The following GALNT13 variants were observed in gnomAD, a reference collection of about 807,000 sequenced individuals.
The protein encoded by GALNT13 is polypeptide N-acetylgalactosaminyltransferase 13, also known as UDP-GalNAc:polypeptide N-acetylgalactosaminyltransferase 13.
A neutral mutation model predicts 64.2 loss-of-function variants in GALNT13; 28 were observed. That is an observed-to-expected ratio of 0.44 (90% CI 0.32 to 0.60). The LOEUF (loss-of-function observed/expected upper bound fraction) is 0.60. GALNT13 is among the 20% of genes least tolerant of loss of function. The pLI is 0.05. For synonymous variants in GALNT13, 214 were observed against 224.6 expected, an observed-to-expected ratio of 0.95 and a Z score of 0.42; for missense variants, 577 against 669.8, an observed-to-expected ratio of 0.86 and a Z score of 1.53.
At chr2:153,499,247 A>G in the GALNT13 span, among the ~76,000 whole-genome samples, 4 of 152,206 alleles carry the variant, frequency 2.6e-5, no homozygotes, top group East Asian at 5.8e-4. Context: ...GTGACAGAAC[A>G]GCTCTCAGGA....
At chr2:153,855,489 C>G in the GALNT13 span, among the ~76,000 whole-genome samples, 1 of 152,096 alleles carries the variant, frequency 6.6e-6, no homozygotes, top group African/African-American at 2.4e-5. Flanking sequence ...GAAAAATGCT[C>G]AAATGCTCAA....
At chr2:153,432,622 C>T in the GALNT13 span, among the ~76,000 whole-genome samples, 6,335 of 152,052 alleles carry the variant, frequency 0.042, 185 homozygotes, top group Middle Eastern at 0.061. Context: ...CCATCCCCCA[C>T]CCCCAGTGCT....
intron 8 of GALNT13, among the ~76,000 whole-genome samples, chr2:154,300,076 A>AG (rs1258218207): frequency 7.2e-6 from 1 of 139,644 alleles, no homozygotes; most frequent in Non-Finnish European, 1.6e-5. Flanking sequence ...GTGAAAAGAT[A>AG]GTTTTTTTTT....
At chr2:153,403,028 T>C in the GALNT13 span, among the ~76,000 whole-genome samples, 2 of 151,158 alleles carry the variant, frequency 1.3e-5, no homozygotes, top group Non-Finnish European at 3.0e-5. Flanking sequence ...TTCCAGTTTT[T>C]CTGTTCTGTT....
the GALNT13 span, among the ~76,000 whole-genome samples, chr2:153,118,135 ACACACACACACC>A: frequency 4.5e-4 from 68 of 150,684 alleles, no homozygotes; most frequent in East Asian, 1.8e-3. Flanking sequence ...ACACACACAC[ACACACACACACC>A]CCACATAAAC....
At chr2:153,477,037 C>G in the GALNT13 span, among the ~76,000 whole-genome samples, 1 of 152,116 alleles carries the variant, frequency 6.6e-6, no homozygotes, top group Non-Finnish European at 1.5e-5. Flanking sequence ...GTAATCTTCC[C>G]GCGGGGGCCC....
At chr2:154,099,351 C>T (rs1463484100) in intron 3 of GALNT13, among the ~76,000 whole-genome samples, 1 of 152,084 alleles carries the variant, frequency 6.6e-6, no homozygotes, top group African/African-American at 2.4e-5. Flanking sequence ...CAAATATTTT[C>T]TCCTATTCTG....
the GALNT13 span, among the ~76,000 whole-genome samples, chr2:153,709,061 C>A: frequency 2.0e-5 from 3 of 151,984 alleles, no homozygotes; most frequent in Non-Finnish European, 4.4e-5. Flanking sequence ...AATTACATGA[C>A]ATTGGTCTGC....
At chr2:153,895,567 T>A (rs1687831354) in intron 1 of GALNT13, among the ~76,000 whole-genome samples, 1 of 152,094 alleles carries the variant, frequency 6.6e-6, no homozygotes, top group African/African-American at 2.4e-5. Context: ...CATGACCATA[T>A]GCAGAACTAG....
intron 1 of GALNT13, among the ~76,000 whole-genome samples, chr2:153,899,608 A>G (rs892831978): frequency 1.3e-5 from 2 of 152,108 alleles, no homozygotes; most frequent in African/African-American, 2.4e-5. Flanking sequence ...TGCAATCCCA[A>G]TGTCTTTAAC....
chr2:153,459,399 T>C, the GALNT13 span, among the ~76,000 whole-genome samples: 1 of 152,084 alleles, frequency 6.6e-6, no homozygotes, highest in Admixed American at 6.6e-5. Flanking sequence ...GAGGATCCAC[T>C]GAGCCCAGGA....
chr2:153,100,266 T>A, the GALNT13 span, among the ~76,000 whole-genome samples: 1 of 152,204 alleles, frequency 6.6e-6, no homozygotes, highest in Non-Finnish European at 1.5e-5. Flanking sequence ...GAACTTGGCA[T>A]GTGGATTTCC....
rs75567245 is a variant in GALNT13, at chr2:153,908,788, T to C, written c.-105+7781T>C. 7.6e-3 allele frequency among the ~76,000 whole-genome samples: 1,150 copies of C among 151,464 alleles called. 7 individuals carry two copies. Among genetic ancestry groups the C allele is most frequent in the Middle Eastern group, 0.02 (6 of 294 alleles). The stretch of plus-strand genomic sequence containing the variant: ...GTACCAGTACCATGCCATTTTTTTA[T>C]TGTAGCTCTGTAGTATAGTTTGAAG... On this transcript the variant is annotated intron_variant, in intron 2 of 12. Coordinates refer to ENST00000392825, the MANE Select transcript of GALNT13 (RefSeq NM_052917.4).
At chr2:154,008,582 C>T (rs2194593) in intron 3 of GALNT13, among the ~76,000 whole-genome samples, 87,856 of 151,792 alleles carry the variant, frequency 0.58, 27,005 homozygotes, top group East Asian at 0.96. Flanking sequence ...CCACCTTCCT[C>T]CCACCCTCCC....
At chr2:153,412,215 A>G in the GALNT13 span, among the ~76,000 whole-genome samples, 1 of 152,076 alleles carries the variant, frequency 6.6e-6, no homozygotes, top group Non-Finnish European at 1.5e-5. Context: ...CTGTCCCTCT[A>G]GGGAACCCTG....
intron 3 of GALNT13, among the ~76,000 whole-genome samples, chr2:154,123,810 A>G (rs1018701977): frequency 1.3e-5 from 2 of 152,002 alleles, no homozygotes; most frequent in Non-Finnish European, 2.9e-5. Context: ...ATGCGAGAAG[A>G]AAAAAATATA....
the GALNT13 span, among the ~76,000 whole-genome samples, chr2:153,744,187 A>T: frequency 2.6e-5 from 4 of 152,242 alleles, no homozygotes; most frequent in Admixed American, 2.6e-4. Flanking sequence ...TTTTGGGTAT[A>T]TGCCCAGCAG....
intron 9 of GALNT13, among the ~76,000 whole-genome samples, chr2:154,333,651 C>A (rs180956074): frequency 7.0e-4 from 107 of 152,082 alleles, no homozygotes; most frequent in African/African-American, 2.4e-3. Flanking sequence ...GCAATGAATT[C>A]TTTATACCTG....
At chr2:154,312,245 T>G (rs370353717) in intron 9 of GALNT13, among the ~76,000 whole-genome samples, 27 of 152,224 alleles carry the variant, frequency 1.8e-4, no homozygotes, top group African/African-American at 6.0e-4. Context: ...GTCCATAAAA[T>G]CTTCGCAATC....
Sources: gnomAD v4.1 joint callset for allele counts (sites outside exome capture counted in the v4.1 genomes callset) on GRCh38, gnomAD v4.1.1 for gene constraint, MANE v1.5 for transcripts, NCBI Gene and HGNC (gene_info 2026-07-23, HGNC 2026-07-21) for gene names.